Variants in ITPR2 observed in about 807,000 individuals in gnomAD.
ITPR2 encodes the protein inositol 1,4,5-trisphosphate receptor type 2.
Under a neutral mutation model 317.1 loss-of-function variants are expected in ITPR2, and 207 were observed. The ratio of observed to expected loss-of-function variants is 0.65; its 90% confidence interval spans 0.58 to 0.73. The LOEUF (loss-of-function observed/expected upper bound fraction) is 0.73. Among genes scored for constraint, ITPR2 ranks in the 30% least tolerant of loss-of-function variants. ITPR2 has a pLI of 0.00. For synonymous variants in ITPR2, 1,156 were observed against 1,149.1 expected, an observed-to-expected ratio of 1.01 and a Z score of -0.12; for missense variants, 2,613 against 3,284.0, an observed-to-expected ratio of 0.80 and a Z score of 4.99.
intron 10 of ITPR2, 147 bp from the exon 11 acceptor site, chr12:26,686,779 T>G: frequency 1.1e-5 from 8 of 702,574 alleles, no homozygotes; most frequent in Non-Finnish European, 1.9e-5. Flanking sequence ...ACACTAGCTC[T>G]AGCCCGACAG....
At chr12:26,544,593 C>A (rs1232576779) in intron 37 of ITPR2, among the ~76,000 whole-genome samples, 1 of 85,000 alleles carries the variant, frequency 1.2e-5, no homozygotes, top group Non-Finnish European at 3.3e-5. Context: ...GACAAACACA[C>A]AGAGACACAC....
At chr12:26,439,475 C>T (rs1259160393) in intron 46 of ITPR2, among the ~76,000 whole-genome samples, 156 bp from the exon 47 acceptor site, 4 of 152,154 alleles carry the variant, frequency 2.6e-5, no homozygotes, top group African/African-American at 7.2e-5. Context: ...TTTTACTATA[C>T]TACTTTGTAT....
intron 13 of ITPR2, among the ~76,000 whole-genome samples, chr12:26,678,434 A>T (rs1039560496): frequency 2.0e-5 from 3 of 152,178 alleles, no homozygotes; most frequent in African/African-American, 4.8e-5. Flanking sequence ...GAGAGAAAAA[A>T]AAAATTCCAA....
intron 31 of ITPR2, among the ~76,000 whole-genome samples, chr12:26,595,968 T>C (rs1361047097): frequency 2.0e-5 from 3 of 152,148 alleles, no homozygotes; most frequent in African/African-American, 7.2e-5. Flanking sequence ...AGAAAGACAT[T>C]ATCGCAATGT....
intron 37 of ITPR2, among the ~76,000 whole-genome samples, chr12:26,544,860 A>C (rs1944354014): frequency 6.6e-6 from 1 of 152,126 alleles, no homozygotes. Flanking sequence ...TGGGTAACCT[A>C]TGTGACTTAA....
intron 21 of ITPR2, among the ~76,000 whole-genome samples, chr12:26,650,407 G>A (rs1425042300): frequency 6.6e-6 from 1 of 152,150 alleles, no homozygotes; most frequent in African/African-American, 2.4e-5. Flanking sequence ...CATAGAATGT[G>A]CAACACCAAG....
intron 34 of ITPR2, among the ~76,000 whole-genome samples, chr12:26,570,080 T>C (rs1461356910): frequency 5.3e-5 from 8 of 152,230 alleles, no homozygotes; most frequent in Admixed American, 5.2e-4. Context: ...ATTTTATTCA[T>C]GTGATAAATA....
intron 26 of ITPR2, among the ~76,000 whole-genome samples, chr12:26,617,998 A>C (rs1946409117): frequency 6.6e-6 from 1 of 152,198 alleles, no homozygotes; most frequent in Non-Finnish European, 1.5e-5. Context: ...AGATTAAATA[A>C]AAAATAATAT....
intron 51 of ITPR2, among the ~76,000 whole-genome samples, chr12:26,411,827 TGGTAGTG>T (rs1940560835): frequency 6.6e-6 from 1 of 152,136 alleles, no homozygotes. Context: ...GGACTGCTGC[TGGTAGTG>T]GTTCTAACAG....
intron 34 of ITPR2, among the ~76,000 whole-genome samples, chr12:26,576,890 A>G (rs531446038): frequency 1.3e-5 from 2 of 152,220 alleles, no homozygotes; most frequent in Non-Finnish European, 2.9e-5. Context: ...TTAGGAGGAC[A>G]GAGCCCTCAT....
intron 13 of ITPR2, among the ~76,000 whole-genome samples, chr12:26,676,806 T>TA (rs1197206151): frequency 2.6e-5 from 4 of 152,000 alleles, no homozygotes; most frequent in East Asian, 1.9e-4. Flanking sequence ...TTCTTTGTCT[T>TA]AAAAAAAGGA....
intron 54 of ITPR2, among the ~76,000 whole-genome samples, chr12:26,394,804 T>C (rs549842341): frequency 1.3e-5 from 2 of 152,084 alleles, no homozygotes; most frequent in African/African-American, 2.4e-5. Flanking sequence ...GCTGTGGGAA[T>C]GTGTGGAAGG....
intron 43 of ITPR2, among the ~76,000 whole-genome samples, chr12:26,477,350 TA>T (rs567067688): frequency 1.0e-4 from 15 of 150,010 alleles, no homozygotes; most frequent in African/African-American, 2.7e-4. Flanking sequence ...GATGTTTTAA[TA>T]AAAAAAAAGG....
intron 37 of ITPR2, among the ~76,000 whole-genome samples, chr12:26,525,267 C>A (rs905863689): frequency 6.6e-6 from 1 of 152,186 alleles, no homozygotes; most frequent in African/African-American, 2.4e-5. Flanking sequence ...TCCCAAAGTT[C>A]AGGTCTTCAT....
Position 26,443,561 on chromosome 12 carries a change from G to T in ITPR2, c.6432C>A (p.Asn2144Lys). 6.2e-7 allele frequency: 1 copy of T among 1,611,708 alleles called. No homozygotes were observed. Among genetic ancestry groups the T allele is most frequent in the Non-Finnish European group, 8.5e-7 (1 of 1,178,032 alleles). ...EGDEALKYYA[N>K]HTAQIEIVRH... ...TGGTTACCTCAATCTGTGCAGTGTG[G>T]TTGGCATAATACTTTAAGGCTTCAT... is the stretch of plus-strand genomic sequence containing the variant. Residue 2144 changes from asparagine (N) to lysine (K), a missense_variant, in exon 46 of 57, where the codon AAC becomes AAA. By Grantham distance (94) the Asn-to-Lys change is moderately conservative. Around this residue, in one of 9 missense-constraint regions of ITPR2, gnomAD observed 926 missense variants for 1,072.8 expected, o/e 0.86. Transcript: ENST00000381340.
chr12:26,606,508 CAA>C, intron 26 of ITPR2, among the ~76,000 whole-genome samples: 1 of 144,532 alleles, frequency 6.9e-6, no homozygotes, highest in Non-Finnish European at 1.5e-5. Flanking sequence ...GGCAGAGAAA[CAA>C]AGAGTGAATA....
chr12:26,341,515 T>C (rs79376968), intron 55 of ITPR2, among the ~76,000 whole-genome samples: 4,373 of 152,306 alleles, frequency 0.029, 107 homozygotes, highest in Middle Eastern at 0.058. Flanking sequence ...TTTGTTGTTG[T>C]TGCATCAGAG....
intron 38 of ITPR2, among the ~76,000 whole-genome samples, chr12:26,494,659 A>G (rs1472544493): frequency 6.7e-6 from 1 of 149,082 alleles, no homozygotes; most frequent in East Asian, 2.0e-4. Flanking sequence ...AATCACAGCT[A>G]CTTGGGAGGC....
intron 37 of ITPR2, among the ~76,000 whole-genome samples, chr12:26,520,406 G>A (rs566955619): frequency 1.1e-4 from 17 of 152,254 alleles, no homozygotes; most frequent in African/African-American, 3.1e-4. Context: ...TTTGCTTCCT[G>A]TTCTTGTGAG....
Sources: allele counts gnomAD v4.1 joint callset (sites outside exome capture counted in the v4.1 genomes callset), GRCh38; gene constraint gnomAD v4.1.1; regional missense constraint gnomAD v4.1.1; transcripts MANE v1.5; gene names NCBI Gene and HGNC (gene_info 2026-07-23, HGNC 2026-07-21).